The following RRP12 variants were observed in gnomAD, a reference collection of about 807,000 sequenced individuals.
The protein encoded by RRP12 is ribosomal RNA processing 12 homolog, also known as RRP12-like protein.
In RRP12, 78 loss-of-function variants were observed where a neutral mutation model predicts 157.3. The ratio of observed to expected loss-of-function variants is 0.50; its 90% CI spans 0.41 to 0.60. RRP12 has a LOEUF of 0.60. Among genes scored for constraint, RRP12 ranks in the 20% least tolerant of loss-of-function variants. The pLI, the probability that RRP12 is intolerant of heterozygous loss-of-function variation, is 0.00. For missense variants in RRP12, 1,521 were observed against 1,679.9 expected, an observed-to-expected ratio of 0.91 and a Z score of 1.65; for synonymous variants, 726 against 670.9, an observed-to-expected ratio of 1.08 and a Z score of -1.27.
intron 20 of RRP12, chr10:97,371,687 G>C (rs1160366160): frequency 5.0e-6 from 1 of 201,884 alleles, no homozygotes; most frequent in Non-Finnish European, 1.0e-5. Flanking sequence ...ACCCTGCAAA[G>C]GCACAGACAG....
At chr10:97,371,184 T>C (rs1434509320) in intron 20 of RRP12, 103 bp from the exon 21 acceptor site, 1 of 1,236,878 alleles carries the variant, frequency 8.1e-7, no homozygotes, top group East Asian at 2.5e-5. Flanking sequence ...CAGGGGTCCG[T>C]GGGGGCTCAT....
At chr10:97,374,956 C>A (rs1844265182) in intron 15 of RRP12, among the ~76,000 whole-genome samples, 1 of 152,054 alleles carries the variant, frequency 6.6e-6, no homozygotes, top group Non-Finnish European at 1.5e-5. Flanking sequence ...AGATGAGGAG[C>A]AGACCCTGGG....
At position 97,367,062 on chromosome 10, in the gene RRP12, G is replaced by A; in HGVS notation, c.3026C>T (p.Thr1009Ile). ...AGACCCAAACTTGCGGATGAACTTGGTGAACAGGTTCCGAAGCTTCATGCG... is the reference window on the plus strand; with the variant it reads ...AGACCCAAACTTGCGGATGAACTTGATGAACAGGTTCCGAAGCTTCATGCG... Reference protein sequence around the residue: ...HFRMKLRNLFTKFIRKFGFEL... With the variant: ...HFRMKLRNLFIKFIRKFGFEL... Residue 1009 changes from threonine to isoleucine, a missense_variant, in exon 26 of 34, where the codon ACC becomes ATC. Thr to Ile is a moderately conservative substitution (Grantham distance 89). Coordinates refer to ENST00000370992, the MANE Select transcript of RRP12 (RefSeq NM_015179.4). The A allele has an allele frequency of 6.2e-7, 1 of 1,614,216 alleles. No individual in the cohort carries two copies. The highest frequency in any genetic ancestry group is 8.5e-7 in the Non-Finnish European group (1 of 1,180,034).
At chr10:97,394,873 T>C (rs947386193) in intron 3 of RRP12, among the ~76,000 whole-genome samples, 3 of 152,178 alleles carry the variant, frequency 2.0e-5, no homozygotes, top group African/African-American at 7.2e-5. Flanking sequence ...CTGGGCATGG[T>C]GGCTCATGCC....
Position 97,366,598 on chromosome 10 carries a change from G to A in RRP12, c.3239C>T (p.Ser1080Leu), listed in dbSNP as rs766194426. Reference sequence around the variant, plus strand: ...CTCCTCATTGTCCTCCTCGTCCTCTGAGTCAGCTAAAATCTCCTCAATGCT... The same window carrying A: ...CTCCTCATTGTCCTCCTCGTCCTCTAAGTCAGCTAAAATCTCCTCAATGCT... ...GDSIEEILAD[S>L]EDEEDNEEEE... The change falls in exon 28 of 34, where the codon TCA becomes TTA. Residue 1080 changes from serine (S) to leucine (L), a missense_variant. Ser to Leu is a moderately radical substitution (Grantham distance 145). Transcript: ENST00000370992. 1 of 1,613,440 alleles carries A rather than the reference G, an allele frequency of 6.2e-7. No homozygotes were observed. Among genetic ancestry groups the A allele is most frequent in the Non-Finnish European group, 8.5e-7 (1 of 1,179,722 alleles).
Position 97,360,598 on chromosome 10 carries a change from C to T in RRP12, c.3588G>A (p.Lys1196=), listed in dbSNP as rs1380269269. The T allele has an allele frequency of 3.1e-6, 5 of 1,614,016 alleles. No individual in the cohort carries two copies. In the South Asian group the frequency reaches 4.4e-5, roughly 14 times the overall value. ...CCTCCTCCTCAGCCTCTTTCTGGTG[C>T]TTGAGCTTCTGGTGCTTTTTCTATA... ...IIRNKKHQKL[K]HQKEAEEEEL... is the part of the protein sequence containing the mutation. The change falls in exon 31 of 34, where the codon AAG becomes AAA. Residue 1196 remains lysine (K), a synonymous_variant. Transcript: ENST00000370992.
Position 97,366,546 on chromosome 10 carries a change from C to T in RRP12, c.3291G>A (p.Gln1097=). ...GGCTCCTCTGTCGTGCCAGCTTCCG[C>T]TGCTCCTTGCCTCGGCTTCTTTCCT... The part of the protein sequence containing the change: ...EEEERSRGKE[Q]RKLARQRSRA... The change falls in exon 28 of 34, where the codon CAG becomes CAA. Residue 1097 remains glutamine, a synonymous_variant. Coordinates refer to ENST00000370992, the MANE Select transcript of RRP12 (RefSeq NM_015179.4). 2.5e-6 allele frequency: 4 copies of T among 1,614,178 alleles called. No homozygotes were observed. The South Asian group carries it at 4.4e-5, about 18-fold the overall frequency.
intron 6 of RRP12, among the ~76,000 whole-genome samples, chr10:97,389,589 A>G (rs1380502894): frequency 2.6e-5 from 4 of 152,146 alleles, no homozygotes; most frequent in African/African-American, 9.7e-5. Flanking sequence ...CTAAATTTCC[A>G]GAGGAAACAG....
chr10:97,393,974 C>T (rs1422960382), intron 3 of RRP12, among the ~76,000 whole-genome samples: 1 of 152,142 alleles, frequency 6.6e-6, no homozygotes. Flanking sequence ...GATACTAATG[C>T]TACATACCTT....
Position 97,366,106 on chromosome 10 carries a change from A to AC in RRP12, c.3517+1dup, listed in dbSNP as rs1843969043. ...ATGAATGGACAAGCGCGTTGGGCCC[A>AC]CCTTTGGCACCTTCCTCTTCCTCCA... On this transcript the variant is annotated splice_donor_variant, in intron 29 of 33. Coordinates refer to ENST00000370992, the MANE Select transcript of RRP12 (RefSeq NM_015179.4). LOFTEE classifies it high-confidence loss of function. 1 of 1,600,002 alleles carries AC rather than the reference A, an allele frequency of 6.2e-7. No homozygotes were observed.
At chr10:97,386,206 A>G (rs1243734424) in intron 8 of RRP12, among the ~76,000 whole-genome samples, 1 of 152,168 alleles carries the variant, frequency 6.6e-6, no homozygotes, top group Non-Finnish European at 1.5e-5. Context: ...AACATTAACA[A>G]AATGGTTTTA....
In RRP12 at chr10:97,385,930, T is replaced by C; in HGVS notation, c.1081A>G (p.Thr361Ala). 6.2e-7 allele frequency: 1 copy of C among 1,607,286 alleles called. No homozygotes were observed. Among genetic ancestry groups the C allele is most frequent in the Non-Finnish European group, 8.5e-7 (1 of 1,177,072 alleles). Residue 361 changes from threonine to alanine, a missense_variant, in exon 9 of 34, where the codon ACC becomes GCC. By Grantham distance (58) the Thr-to-Ala change is moderately conservative. Coordinates refer to ENST00000370992, the MANE Select transcript of RRP12 (RefSeq NM_015179.4). ...SLFHARPGLS[T>A]LSAELNAQII... ...TGGGCGTTGAGCTCTGCTGACAGGG[T>C]GCTCAGGCCAGGCCTGGCGTGGAAG...
At position 97,370,228 on chromosome 10, in the gene RRP12, G is replaced by A. The variant is rs376989474; in HGVS notation, c.2736C>T (p.Gly912=). The A allele has an allele frequency of 1.0e-5, 16 of 1,605,398 alleles. No homozygotes were observed. Among genetic ancestry groups the A allele is most frequent in the African/African-American group, 1.3e-5 (1 of 74,816 alleles). ...TGCTGCAGCTGACCATGGTCACCGC[G>A]CCCACCAGGCCAGGGTAGATCAGGA... The part of the protein sequence containing the change: ...YLVLIYPGLV[G]AVTMVSCSIL... Residue 912 remains glycine, a synonymous_variant, in exon 24 of 34, where the codon GGC becomes GGT. Transcript: ENST00000370992.
chr10:97,366,358 C>T, intron 28 of RRP12, 88 bp downstream of exon 28: 6 of 1,553,918 alleles, frequency 3.9e-6, no homozygotes, highest in Non-Finnish European at 5.2e-6. Flanking sequence ...CATGGGCCTG[C>T]CATGGATGCC....
At chr10:97,391,702 A>G (rs945467195) in intron 4 of RRP12, among the ~76,000 whole-genome samples, 1 of 152,188 alleles carries the variant, frequency 6.6e-6, no homozygotes, top group Non-Finnish European at 1.5e-5. Context: ...CGGGTGGATC[A>G]TGAGGTCAGG....
intron 30 of RRP12, 58 bp downstream of exon 30, chr10:97,363,796 C>G (rs1224837087): frequency 1.4e-6 from 2 of 1,447,962 alleles, no homozygotes; most frequent in Non-Finnish European, 1.9e-6. Flanking sequence ...GGGTGAGAAG[C>G]TGTGGAGCCC....
chr10:97,371,512 T>C (rs1844154186), intron 20 of RRP12: 2 of 207,634 alleles, frequency 9.6e-6, no homozygotes, highest in Non-Finnish European at 9.9e-6. Context: ...GGCCTGGCCC[T>C]GGATTTCCAT....
intron 30 of RRP12, among the ~76,000 whole-genome samples, chr10:97,362,105 CAA>C (rs11293071): frequency 0.34 from 31,936 of 94,554 alleles, 3,666 homozygotes; most frequent in Middle Eastern, 0.51. Context: ...GACTTCATCT[CAA>C]AAAAAAAAAA....
chr10:97,378,750 G>A (rs367991027), intron 15 of RRP12, among the ~76,000 whole-genome samples: 18 of 152,172 alleles, frequency 1.2e-4, no homozygotes, highest in African/African-American at 2.4e-4. Context: ...CCAGCTACTC[G>A]GGAGGCTGAG....
Sources: allele counts gnomAD v4.1 joint callset (sites outside exome capture counted in the v4.1 genomes callset), GRCh38; gene constraint gnomAD v4.1.1; transcripts MANE v1.5; gene names NCBI Gene and HGNC (gene_info 2026-07-23, HGNC 2026-07-21).